ARHGEF38: variants seen among roughly 807,000 people sequenced by gnomAD.
ARHGEF38 encodes Rho guanine nucleotide exchange factor (GEF) 38.
In ARHGEF38, 79 loss-of-function variants were observed where a neutral mutation model predicts 79.9. That is an observed-to-expected ratio of 0.99 (90% CI 0.82 to 1.19). ARHGEF38 has a LOEUF of 1.19. Ranked by LOEUF, ARHGEF38 falls within the 50% of genes most tolerant of loss-of-function variation. The pLI is 0.00. For synonymous variants in ARHGEF38, 366 were observed against 328.3 expected, an observed-to-expected ratio of 1.11 and a Z score of -1.24; for missense variants, 962 against 907.2, an observed-to-expected ratio of 1.06 and a Z score of -0.78.
At position 105,642,919 on chromosome 4, in the gene ARHGEF38, A is replaced by G. The variant is rs1198147512; in HGVS notation, c.675-2269A>G. 3.9e-5 allele frequency among the ~76,000 whole-genome samples: 6 copies of G among 152,096 alleles called. No homozygotes were observed. In the East Asian group the frequency reaches 1.2e-3, roughly 29 times the overall value. ...AAAGAAATTCTGATTATATTCATGTAGATAATATGATTTCCTCTAATCAAG... is the reference window on the plus strand; with the variant it reads ...AAAGAAATTCTGATTATATTCATGTGGATAATATGATTTCCTCTAATCAAG... On this transcript the variant is annotated intron_variant, in intron 5 of 13. Transcript: ENST00000420470.
chr4:105,554,914 A>C (rs1725182283), intron 1 of ARHGEF38, among the ~76,000 whole-genome samples: 1 of 151,410 alleles, frequency 6.6e-6, no homozygotes, highest in East Asian at 1.9e-4. Flanking sequence ...GAAATTCAGG[A>C]AAAGCCCATT....
intron 1 of ARHGEF38, among the ~76,000 whole-genome samples, chr4:105,575,343 G>T (rs1226923572): frequency 6.6e-6 from 1 of 151,934 alleles, no homozygotes. Context: ...TTTGATAATG[G>T]CCATTCTTAC....
chr4:105,556,240 G>T (rs184891850), intron 1 of ARHGEF38, among the ~76,000 whole-genome samples: 66 of 152,280 alleles, frequency 4.3e-4, no homozygotes, highest in African/African-American at 1.4e-3. Context: ...TAGATGCTGT[G>T]TCTTGAGGGT....
chr4:105,603,182 G>T (rs918837302), intron 2 of ARHGEF38, among the ~76,000 whole-genome samples: 2 of 152,094 alleles, frequency 1.3e-5, no homozygotes, highest in African/African-American at 4.8e-5. Context: ...CTTATTAGGA[G>T]CCAAGCATTA....
chr4:105,555,045 T>C (rs1161685635), intron 1 of ARHGEF38, among the ~76,000 whole-genome samples: 1 of 152,182 alleles, frequency 6.6e-6, no homozygotes, highest in Non-Finnish European at 1.5e-5. Flanking sequence ...TTTTGCTTAC[T>C]AAATTTTCCT....
intron 2 of ARHGEF38, among the ~76,000 whole-genome samples, chr4:105,603,611 A>G (rs1011491247): frequency 3.9e-5 from 6 of 151,988 alleles, no homozygotes; most frequent in African/African-American, 1.2e-4. Flanking sequence ...CTCTTTCCTG[A>G]GCCCCGAGGC....
At chr4:105,656,440 G>A (rs865897128) in intron 9 of ARHGEF38, among the ~76,000 whole-genome samples, 2 of 152,180 alleles carry the variant, frequency 1.3e-5, no homozygotes, top group South Asian at 2.1e-4. Context: ...TTATTTAAGA[G>A]TCATATGTTA....
chr4:105,556,760 C>T (rs1211558080), intron 1 of ARHGEF38, among the ~76,000 whole-genome samples: 5 of 151,972 alleles, frequency 3.3e-5, no homozygotes, highest in African/African-American at 1.2e-4. Context: ...AATGATCAGG[C>T]CCAAGCAGGA....
chr4:105,634,169 C>T (rs538412434), intron 4 of ARHGEF38, among the ~76,000 whole-genome samples: 16 of 152,212 alleles, frequency 1.1e-4, no homozygotes, highest in African/African-American at 3.9e-4. Flanking sequence ...AACAAGCCAC[C>T]TCAGGTGATT....
At chr4:105,568,816 T>TA (rs1458086999) in intron 1 of ARHGEF38, among the ~76,000 whole-genome samples, 1 of 152,184 alleles carries the variant, frequency 6.6e-6, no homozygotes, top group African/African-American at 2.4e-5. Flanking sequence ...ATGTCTTTGT[T>TA]AGCAGCATGA....
intron 1 of ARHGEF38, among the ~76,000 whole-genome samples, chr4:105,553,990 T>A (rs1220784062): frequency 1.2e-4 from 18 of 152,134 alleles, no homozygotes; most frequent in Admixed American, 1.2e-3. Context: ...GTTAAATAAG[T>A]TAAATTAAAT....
intron 10 of ARHGEF38, among the ~76,000 whole-genome samples, chr4:105,659,886 T>TGTGTGTGTGTGTGTGTGC (rs35842406): frequency 2.7e-5 from 4 of 150,522 alleles, no homozygotes; most frequent in African/African-American, 9.9e-5. Flanking sequence ...TGTGTGTGTG[T>TGTGTGTGTGTGTGTGTGC]GTAGCTTCGC....
intron 1 of ARHGEF38, among the ~76,000 whole-genome samples, chr4:105,587,554 G>A (rs576527826): frequency 9.2e-5 from 14 of 152,104 alleles, no homozygotes; most frequent in South Asian, 2.1e-4. Flanking sequence ...TCCACCTCCC[G>A]GGTTCATGAC....
chr4:105,554,729 TG>T (rs1725172816), intron 1 of ARHGEF38, among the ~76,000 whole-genome samples: 1 of 139,946 alleles, frequency 7.1e-6, no homozygotes, highest in Non-Finnish European at 1.5e-5. Context: ...CACATAGTGT[TG>T]TTGGGAGATT....
intron 8 of ARHGEF38, among the ~76,000 whole-genome samples, chr4:105,654,968 G>A (rs1271673214): frequency 6.6e-6 from 1 of 152,142 alleles, no homozygotes; most frequent in Non-Finnish European, 1.5e-5. Context: ...ATATCAGAAT[G>A]ATTTGGAGAC....
chr4:105,583,383 C>T (rs1726886037), intron 1 of ARHGEF38, among the ~76,000 whole-genome samples: 1 of 152,168 alleles, frequency 6.6e-6, no homozygotes, highest in Non-Finnish European at 1.5e-5. Context: ...ATCCTCTCCC[C>T]AGCGTCCTCC....
At chr4:105,637,154 T>A (rs1729430385) in intron 5 of ARHGEF38, among the ~76,000 whole-genome samples, 1 of 152,156 alleles carries the variant, frequency 6.6e-6, no homozygotes, top group Admixed American at 6.6e-5. Context: ...TGTGTGTGTA[T>A]GTACTTTAAA....
intron 13 of ARHGEF38, among the ~76,000 whole-genome samples, chr4:105,670,269 T>C (rs564145123): frequency 1.1e-3 from 167 of 152,296 alleles, no homozygotes; most frequent in African/African-American, 3.7e-3. Flanking sequence ...GGTTTATGGG[T>C]TGCAGTTTCT....
At position 105,652,640 on chromosome 4, in the gene ARHGEF38, C is replaced by G. The variant is rs1457105189; in HGVS notation, c.1009-1425C>G. On this transcript the variant is annotated intron_variant, in intron 7 of 13. Transcript: ENST00000420470. Reference sequence around the variant, plus strand: ...TATTTCTCACAGTGTGATTCTTGAACCTTCTACTTTGGAATCATCTGGGTC... The same window carrying G: ...TATTTCTCACAGTGTGATTCTTGAAGCTTCTACTTTGGAATCATCTGGGTC... 2.6e-5 allele frequency among the ~76,000 whole-genome samples: 4 copies of G among 152,120 alleles called. No homozygotes were observed. In the East Asian group the frequency reaches 7.7e-4, roughly 29 times the overall value.
Sources: allele counts gnomAD v4.1 joint callset (sites outside exome capture counted in the v4.1 genomes callset), GRCh38; gene constraint gnomAD v4.1.1; transcripts MANE v1.5; gene names NCBI Gene and HGNC (gene_info 2026-07-23, HGNC 2026-07-21).